Variants in KIF17 observed in about 807,000 individuals in gnomAD.
KIF17 encodes kinesin family member 17, also known as kinesin-like protein KIF17.
KIF17 carries 80 observed loss-of-function variants against 96.8 expected under a neutral mutation model. The observed-to-expected ratio is 0.83, with a 90% confidence interval of 0.69 to 1.00. The LOEUF is 1.00. Ranked by LOEUF, KIF17 falls within the 50% of genes least tolerant of loss-of-function variation. The probability of loss-of-function intolerance (pLI) is 0.00; values close to 1 mark genes in which losing one functional copy is unlikely to be tolerated. For missense variants in KIF17, 1,280 were observed against 1,372.9 expected (o/e 0.93, Z 1.07); for synonymous variants, 567 against 587.5 (o/e 0.97, Z 0.51).
chr1:20,716,830 C>A, intron 1 of KIF17, among the ~76,000 whole-genome samples: 1 of 152,228 alleles, frequency 6.6e-6, no homozygotes, highest in East Asian at 1.9e-4. Context: ...GTGAACGAGG[C>A]AGACACAGTT....
At chr1:20,677,726 C>G (rs1333217152) in intron 11 of KIF17, among the ~76,000 whole-genome samples, 1 of 152,118 alleles carries the variant, frequency 6.6e-6, no homozygotes, top group African/African-American at 2.4e-5. Context: ...ATGGGTGGTG[C>G]ACGCCTGTAG....
At position 20,665,889 on chromosome 1, in the gene KIF17, G is replaced by A. The variant is rs193178872; in HGVS notation, c.2908+325C>T. Among the ~76,000 whole-genome samples the A allele has an allele frequency of 2.4e-4, 36 of 152,126 alleles. No individual in the cohort carries two copies. The East Asian group carries it at 5.4e-3, about 23-fold the overall frequency. ...GCGTGTGACTCGCCAGGAAGCTGGC[G>A]CGTAACTAGTGAGGCCTAAACCCGT... On this transcript the variant is annotated intron_variant, in intron 14 of 14. Coordinates refer to ENST00000400463, the MANE Select transcript of KIF17 (RefSeq NM_001122819.3).
intron 6 of KIF17, among the ~76,000 whole-genome samples, chr1:20,695,047 C>T (rs190418240): frequency 8.5e-5 from 13 of 152,162 alleles, no homozygotes; most frequent in Non-Finnish European, 1.9e-4. Context: ...CACACATGTG[C>T]ACACATGCAT....
At chr1:20,670,601 T>C in intron 12 of KIF17, 113 bp from the exon 13 acceptor site, 1 of 949,100 alleles carries the variant, frequency 1.1e-6, no homozygotes, top group Non-Finnish European at 1.7e-6. Flanking sequence ...GGGAGGACAC[T>C]TCCCAGCCCA....
intron 6 of KIF17, among the ~76,000 whole-genome samples, chr1:20,694,575 C>T (rs1193370477): frequency 2.0e-5 from 3 of 152,218 alleles, no homozygotes; most frequent in African/African-American, 4.8e-5. Flanking sequence ...ACAGGGATGG[C>T]GTGGGCAAGC....
intron 1 of KIF17, among the ~76,000 whole-genome samples, chr1:20,716,625 G>T (rs990884571): frequency 6.6e-6 from 1 of 152,198 alleles, no homozygotes; most frequent in Admixed American, 6.5e-5. Context: ...CCAGGCTGAG[G>T]GGTCAGCTTG....
downstream of KIF17, among the ~76,000 whole-genome samples, chr1:20,662,359 C>A (rs1032769613): frequency 6.6e-6 from 1 of 152,198 alleles, no homozygotes; most frequent in African/African-American, 2.4e-5. Context: ...TGGGTCCCAA[C>A]CACAATCCTG....
chr1:20,666,654 C>T (rs892565871), intron 13 of KIF17, among the ~76,000 whole-genome samples: 1 of 152,108 alleles, frequency 6.6e-6, no homozygotes, highest in Non-Finnish European at 1.5e-5. Flanking sequence ...ACAGGGGGGC[C>T]GGGTTGATAC....
intron 10 of KIF17, among the ~76,000 whole-genome samples, chr1:20,683,264 C>T (rs377500991): frequency 1.4e-4 from 21 of 152,190 alleles, no homozygotes; most frequent in East Asian, 3.8e-4. Flanking sequence ...ATACACTCAG[C>T]GCACAATATT....
chr1:20,671,855 A>C, intron 12 of KIF17, 83 bp downstream of exon 12: 1 of 1,522,816 alleles, frequency 6.6e-7, no homozygotes, highest in Non-Finnish European at 8.9e-7. Flanking sequence ...GCCTGCAAGG[A>C]GAGGCCCACA....
In KIF17 at chr1:20,700,712, C is replaced by T. The variant is rs1056307699; in HGVS notation, c.1124-2224G>A. Reference sequence around the variant, plus strand: ...GGGTTAGACTGCCCTTCAGGGCGAGCGAATTCCTAGAAACCGTAAACCACG... The same window carrying T: ...GGGTTAGACTGCCCTTCAGGGCGAGTGAATTCCTAGAAACCGTAAACCACG... On this transcript the variant is annotated intron_variant, in intron 5 of 14. Coordinates refer to ENST00000400463, the MANE Select transcript of KIF17 (RefSeq NM_001122819.3). This position sits in a 1 kb window ranked among gnomAD's most constrained non-coding sequence, Gnocchi z 4.6. 6.6e-6 allele frequency among the ~76,000 whole-genome samples: 1 copy of T among 152,248 alleles called. No homozygotes were observed. Among genetic ancestry groups the T allele is most frequent in the African/African-American group, 2.4e-5 (1 of 41,542 alleles).
At position 20,704,647 on chromosome 1, in the gene KIF17, A is replaced by G; in HGVS notation, c.923T>C (p.Met308Thr). The change falls in exon 5 of 15, where the codon ATG becomes ACG. Residue 308 changes from methionine to threonine, a missense_variant. Transcript: ENST00000400463. The surrounding 1 kb of genome is among the most constrained non-coding windows in gnomAD (Gnocchi z 6.8). ...GTCCGCAGGCGACAGGCAGGCCACC[A>G]TGAGCGTCTTGGTGTTGCCGCCCAG... ...DSLGGNTKTLMVACLSPADNN... is the reference protein window; with the variant it reads ...DSLGGNTKTLTVACLSPADNN... The G allele has an allele frequency of 1.2e-6, 2 of 1,613,948 alleles. No homozygotes were observed. The highest frequency in any genetic ancestry group is 1.1e-5 in the South Asian group (1 of 91,068).
intron 11 of KIF17, among the ~76,000 whole-genome samples, chr1:20,677,723 G>A (rs1174152854): frequency 6.6e-6 from 1 of 152,176 alleles, no homozygotes; most frequent in Admixed American, 6.5e-5. Context: ...GGCATGGGTG[G>A]TGCACGCCTG....
intron 7 of KIF17, among the ~76,000 whole-genome samples, chr1:20,689,887 G>A (rs548277441): frequency 1.1e-4 from 17 of 152,306 alleles, no homozygotes; most frequent in African/African-American, 3.8e-4. Context: ...CCATGGCTAA[G>A]CCATCCCAGT....
chr1:20,674,115 G>A (rs991135149), intron 11 of KIF17, among the ~76,000 whole-genome samples: 2 of 151,914 alleles, frequency 1.3e-5, no homozygotes, highest in African/African-American at 4.8e-5. Flanking sequence ...TTACTGTAAA[G>A]ACAGGATCTC....
intron 11 of KIF17, among the ~76,000 whole-genome samples, chr1:20,676,350 A>G (rs1020356161): frequency 1.3e-5 from 2 of 152,214 alleles, no homozygotes; most frequent in Admixed American, 1.3e-4. Context: ...AAAATTTACA[A>G]TTTATATCAC....
intron 10 of KIF17, 75 bp from the exon 11 acceptor site, chr1:20,682,959 G>C: frequency 1.5e-6 from 2 of 1,316,988 alleles, no homozygotes; most frequent in Non-Finnish European, 2.1e-6. Flanking sequence ...GCAGGCTCCA[G>C]GCTATGCGTG....
intron 10 of KIF17, among the ~76,000 whole-genome samples, chr1:20,684,458 G>A (rs1314952767): frequency 2.0e-5 from 3 of 152,254 alleles, no homozygotes; most frequent in Non-Finnish European, 4.4e-5. Context: ...CCCAGAGAGT[G>A]CCTGGGGATG....
rs375486507 is a variant in KIF17 at position 20,700,311 on chromosome 1, T to C, written c.1124-1823A>G. ...GTCTCCAACTCCTGACCTCAAGTGATCTGCCCACCTCGGCCTCCCAAAGTA... is the reference window on the plus strand; with the variant it reads ...GTCTCCAACTCCTGACCTCAAGTGACCTGCCCACCTCGGCCTCCCAAAGTA... On this transcript the variant is annotated intron_variant, in intron 5 of 14. Coordinates refer to ENST00000400463, the MANE Select transcript of KIF17 (RefSeq NM_001122819.3). The surrounding 1 kb of genome is among the most constrained non-coding windows in gnomAD (Gnocchi z 4.6). Among the ~76,000 whole-genome samples the C allele has an allele frequency of 3.9e-5, 6 of 152,302 alleles. No individual in the cohort carries two copies. Among genetic ancestry groups the C allele is most frequent in the African/African-American group, 1.4e-4 (6 of 41,582 alleles).
Sources: allele counts gnomAD v4.1 joint callset (sites outside exome capture counted in the v4.1 genomes callset), GRCh38; gene constraint gnomAD v4.1.1; non-coding constraint Gnocchi (gnomAD v3.1); transcripts MANE v1.5; gene names NCBI Gene and HGNC (gene_info 2026-07-23, HGNC 2026-07-21).